ANKRD18B: variants seen among roughly 807,000 people sequenced by gnomAD.
ANKRD18B encodes ankyrin repeat domain-containing protein 18B.
In ANKRD18B, 75 loss-of-function variants were observed where a neutral mutation model predicts 111.8. The observed-to-expected ratio is 0.67, with a 90% CI of 0.56 to 0.81. The LOEUF (loss-of-function observed/expected upper bound fraction) is 0.81, where lower values mean the gene tolerates loss of function less well. ANKRD18B is among the 40% of genes least tolerant of loss of function. The pLI, the probability that ANKRD18B is intolerant of heterozygous loss-of-function variation, is 0.00. For missense variants in ANKRD18B, 1,038 were observed against 1,225.5 expected, an observed-to-expected ratio of 0.85 and a Z score of 2.28; for synonymous variants, 356 against 417.3, an observed-to-expected ratio of 0.85 and a Z score of 1.79.
chr9:33,537,021 G>A (rs1017030028), intron 6 of ANKRD18B, 76 bp downstream of exon 6: 3 of 1,150,598 alleles, frequency 2.6e-6, no homozygotes, highest in African/African-American at 3.3e-5. Context: ...TACAGGCCAG[G>A]CATGGTGGCT....
At chr9:33,540,775 A>G (rs1587262961) in intron 8 of ANKRD18B, among the ~76,000 whole-genome samples, 1 of 152,116 alleles carries the variant, frequency 6.6e-6, no homozygotes, top group African/African-American at 2.4e-5. Context: ...TAGCTACTCA[A>G]CCCTGCCATT....
chr9:33,563,999 T>C (rs1828648653), intron 14 of ANKRD18B, among the ~76,000 whole-genome samples: 1 of 152,158 alleles, frequency 6.6e-6, no homozygotes, highest in South Asian at 2.1e-4. Flanking sequence ...TGGGCAACTG[T>C]AGAGTCATCC....
rs183241890 is a variant in ANKRD18B at position 33,557,749 on chromosome 9, T to C, written c.2331-309T>C. Among the ~76,000 whole-genome samples, 396 of 151,812 alleles carry C rather than the reference T, an allele frequency of 2.6e-3. 2 individuals carry two copies. The highest frequency in any genetic ancestry group is 9.0e-3 in the African/African-American group (373 of 41,396). On this transcript the variant is annotated intron_variant, in intron 13 of 18. Coordinates refer to ENST00000684830, the MANE Select transcript of ANKRD18B (RefSeq NM_001393611.1). The stretch of plus-strand genomic sequence containing the variant: ...GTTGCAGTGAGCCGTGATCACGCCA[T>C]CACACTTCAGCCTGAGCAAAAAGAG...
intron 10 of ANKRD18B, among the ~76,000 whole-genome samples, chr9:33,544,729 C>T (rs570913330): frequency 1.3e-4 from 20 of 151,844 alleles, no homozygotes; most frequent in African/African-American, 2.4e-4. Context: ...CCCAGCTACT[C>T]GGGAGGCTGA....
chr9:33,532,234 C>CA (rs933366866), intron 3 of ANKRD18B, among the ~76,000 whole-genome samples: 27 of 146,876 alleles, frequency 1.8e-4, no homozygotes, highest in African/African-American at 4.0e-4. Context: ...ACCCCATTTC[C>CA]AAAAAAAAAG....
intron 8 of ANKRD18B, among the ~76,000 whole-genome samples, chr9:33,540,529 G>A (rs1239538324): frequency 6.6e-6 from 1 of 152,178 alleles, no homozygotes; most frequent in Non-Finnish European, 1.5e-5. Flanking sequence ...AAACAACAAG[G>A]AACTGCTCTT....
intron 14 of ANKRD18B, among the ~76,000 whole-genome samples, chr9:33,562,821 A>C (rs1037845915): frequency 2.0e-5 from 3 of 152,218 alleles, no homozygotes; most frequent in Non-Finnish European, 4.4e-5. Context: ...TTCCTCATTG[A>C]GAAAAAGGAA....
Position 33,524,357 on chromosome 9 carries a change from T to TGGATCGCGGGTTTGGGGGC in ANKRD18B, c.-132_-131insGATCGCGGGTTTGGGGGCG. 7.5e-7 allele frequency: 1 copy of TGGATCGCGGGTTTGGGGGC among 1,328,896 alleles called. No individual in the cohort carries two copies. Among genetic ancestry groups the TGGATCGCGGGTTTGGGGGC allele is most frequent in the African/African-American group, 1.6e-5 (1 of 61,418 alleles). The allele number at this position is 1,328,896 out of a possible 1,614,324, so 82.3% of individuals were successfully genotyped here. A position where few individuals can be genotyped will look rare whatever the true frequency, so the allele number is the denominator to read the frequency against. ...CTGAGCTACATCGCGGGTTTGGGGG[T>TGGATCGCGGGTTTGGGGGC]GCATCTTGGATTTAGGGGTGGATCG... On this transcript the variant is annotated 5_prime_UTR_variant, in exon 1 of 19. Transcript: ENST00000684830.
chr9:33,527,309 T>TTTTG lies in ANKRD18B; in HGVS notation c.207-1398_207-1395dup, dbSNP rs68020937. Among the ~76,000 whole-genome samples, 349 of 144,566 alleles carry TTTTG rather than the reference T, an allele frequency of 2.4e-3. 2 individuals carry two copies. The highest frequency in any genetic ancestry group is 4.0e-3 in the Admixed American group (58 of 14,500). 94.8% of individuals were successfully genotyped at this position (144,566 alleles called of 152,430 possible). ...GTTTCCTTTAGCTTCATGTTTCTTTTTTTGTTTGTTTGTTTGTTTGTTTTC... is the reference window on the plus strand; with the variant it reads ...GTTTCCTTTAGCTTCATGTTTCTTTTTTTGTTTGTTTGTTTGTTTGTTTGTTTTC... On this transcript the variant is annotated intron_variant, in intron 1 of 18. Transcript: ENST00000684830.
chr9:33,536,775 T>C, intron 5 of ANKRD18B, 103 bp from the exon 6 acceptor site: 1 of 715,688 alleles, frequency 1.4e-6, no homozygotes, highest in Non-Finnish European at 2.1e-6. Flanking sequence ...TTTCTGATAT[T>C]AGCTCTGATA....
At chr9:33,528,083 G>A (rs1034416580) in intron 1 of ANKRD18B, among the ~76,000 whole-genome samples, 1 of 152,200 alleles carries the variant, frequency 6.6e-6, no homozygotes, top group African/African-American at 2.4e-5. Flanking sequence ...AAGTTCCCAT[G>A]ATGCTAGGAG....
chr9:33,568,331 G>A (rs2118138739), intron 16 of ANKRD18B, among the ~76,000 whole-genome samples: 1 of 152,204 alleles, frequency 6.6e-6, no homozygotes, highest in East Asian at 1.9e-4. Flanking sequence ...TTAAATACAA[G>A]TATATCTAAA....
At position 33,566,349 on chromosome 9, in the gene ANKRD18B, A is replaced by T. The variant is rs954243427; in HGVS notation, c.2591A>T (p.Lys864Met). The change falls in exon 15 of 19, where the codon AAG (lysine) becomes ATG (methionine). Residue 864 changes from lysine to methionine, a missense_variant. Around this residue, in one of 4 missense-constraint regions of ANKRD18B, gnomAD observed 524 missense variants for 677.9 expected, o/e 0.77. Coordinates refer to ENST00000684830, the MANE Select transcript of ANKRD18B (RefSeq NM_001393611.1). Reference protein sequence around the residue: ...KVQEKCEKLEKDKKMLEEKVL... With the variant: ...KVQEKCEKLEMDKKMLEEKVL... ...CAAGAGAAATGTGAAAAACTTGAGA[A>T]GGATAAAAAGATGTTGGAAGAAAAA... is the stretch of plus-strand genomic sequence containing the variant. The T allele has an allele frequency of 1.3e-6, 2 of 1,570,488 alleles. No homozygotes were observed. The highest frequency in any genetic ancestry group is 2.7e-5 in the African/African-American group (2 of 73,464).
At chr9:33,546,541 C>T (rs950496654) in intron 10 of ANKRD18B, among the ~76,000 whole-genome samples, 6 of 152,108 alleles carry the variant, frequency 3.9e-5, no homozygotes, top group African/African-American at 1.4e-4. Flanking sequence ...ACATTATGTT[C>T]TAAAGATAGA....
At chr9:33,545,446 C>T (rs951492465) in intron 10 of ANKRD18B, among the ~76,000 whole-genome samples, 2 of 152,152 alleles carry the variant, frequency 1.3e-5, no homozygotes, top group Admixed American at 6.5e-5. Context: ...GCATGTGATA[C>T]GAATAGAAAG....
At position 33,534,418 on chromosome 9, in the gene ANKRD18B, C is replaced by A. The variant is rs1414445564; in HGVS notation, c.651C>A (p.Thr217=). ...AVQHNLSSIV[T]LLLQQNIHIS... is the part of the protein sequence containing the mutation. Reference sequence around the variant, plus strand: ...AGCATAACTTGTCAAGTATCGTCACCCTCCTGCTTCAACAAAATATACATA... The same window carrying A: ...AGCATAACTTGTCAAGTATCGTCACACTCCTGCTTCAACAAAATATACATA... Residue 217 remains threonine, a synonymous_variant, in exon 5 of 19, where the codon ACC becomes ACA. Transcript: ENST00000684830. 1 of 1,550,746 alleles carries A rather than the reference C, an allele frequency of 6.4e-7. No homozygotes were observed. Among genetic ancestry groups the A allele is most frequent in the Admixed American group, 2.0e-5 (1 of 50,728 alleles).
chr9:33,524,841 C>T, intron 1 of ANKRD18B, 146 bp downstream of exon 1: 1 of 1,032,320 alleles, frequency 9.7e-7, no homozygotes, highest in Non-Finnish European at 1.4e-6. Flanking sequence ...CTGGGAATTT[C>T]CCGCCTGTAG....
chr9:33,541,088 G>C, intron 8 of ANKRD18B, 59 bp from the exon 9 acceptor site: 1 of 1,529,066 alleles, frequency 6.5e-7, no homozygotes, highest in South Asian at 1.3e-5. Flanking sequence ...TGCCAGGTAA[G>C]GAGGCAGAGG....
At chr9:33,569,123 C>T in intron 17 of ANKRD18B, 1 of 386,620 alleles carries the variant, frequency 2.6e-6, no homozygotes, top group African/African-American at 2.1e-5. Context: ...TGTGGTTAAA[C>T]TGACACATTT....
Sources: gnomAD v4.1 joint callset for allele counts (sites outside exome capture counted in the v4.1 genomes callset) on GRCh38, gnomAD v4.1.1 for gene constraint, gnomAD v4.1.1 regional missense constraint, MANE v1.5 for transcripts, NCBI Gene and HGNC (gene_info 2026-07-23, HGNC 2026-07-21) for gene names.